ZDHHC3: variants seen among roughly 807,000 people sequenced by gnomAD.
ZDHHC3 encodes the protein zDHHC palmitoyltransferase 3, also known as palmitoyltransferase ZDHHC3.
In ZDHHC3, 9 loss-of-function variants were observed where a neutral mutation model predicts 30.6. The observed-to-expected ratio is 0.29, with a 90% confidence interval of 0.18 to 0.51. The LOEUF (loss-of-function observed/expected upper bound fraction) is 0.51. Ranked by LOEUF, ZDHHC3 falls within the 20% of genes least tolerant of loss-of-function variation. ZDHHC3 has a pLI of 0.97. For synonymous variants in ZDHHC3, 136 were observed against 140.2 expected (o/e 0.97, Z 0.21); for missense variants, 246 against 384.2 (o/e 0.64, Z 3.01).
chr3:44,949,113 A>G (rs926512145), intron 2 of ZDHHC3, among the ~76,000 whole-genome samples: 1 of 152,116 alleles, frequency 6.6e-6, no homozygotes, highest in African/African-American at 2.4e-5. Context: ...AAAACAGTAG[A>G]AAAAAAATCT....
rs747489759 is a variant in ZDHHC3, at chr3:44,917,960, C to T, written c.*8729G>A. 3.0e-5 allele frequency: 39 copies of T among 1,305,246 alleles called. No homozygotes were observed. The highest frequency in any genetic ancestry group is 2.1e-4 in the Middle Eastern group (1 of 4,720). The allele number at this position is 1,305,246 out of a possible 1,614,324, so 80.9% of individuals were successfully genotyped here. A position where few individuals can be genotyped will look rare whatever the true frequency, so the allele number is the denominator to read the frequency against. The stretch of plus-strand genomic sequence containing the variant: ...TCCTCTGATGGATCCTCCATTGTTT[C>T]GGTGTCTGACAGCGATGTCACCTGC... On this transcript the variant is annotated 3_prime_UTR_variant, in exon 7 of 7. Transcript: ENST00000424952.
intron 4 of ZDHHC3, 58 bp downstream of exon 4, chr3:44,933,829 AG>A: frequency 1.4e-6 from 2 of 1,479,592 alleles, no homozygotes; most frequent in Non-Finnish European, 1.9e-6. Flanking sequence ...GAATTTTCAA[AG>A]GAACAAAGTG....
intron 3 of ZDHHC3, among the ~76,000 whole-genome samples, chr3:44,935,078 C>G (rs1359733291): frequency 6.6e-6 from 1 of 152,104 alleles, no homozygotes; most frequent in Non-Finnish European, 1.5e-5. Context: ...AAACAAGCGT[C>G]CCGGACTACT....
At chr3:44,939,634 G>A (rs115849176) in intron 3 of ZDHHC3, among the ~76,000 whole-genome samples, 506 of 152,324 alleles carry the variant, frequency 3.3e-3, no homozygotes, top group African/African-American at 0.012. Context: ...TTGGCTCAGC[G>A]GCAGAGAGGT....
rs527344824 is a variant in ZDHHC3 at position 44,919,849 on chromosome 3, A to T, written c.*6840T>A. 1 of 1,004,746 alleles carries T rather than the reference A, an allele frequency of 1.0e-6. No homozygotes were observed. The highest frequency in any genetic ancestry group is 5.4e-5 in the Admixed American group (1 of 18,594). The allele number at this position is 1,004,746 out of a possible 1,614,324, so 62.2% of individuals were successfully genotyped here. A position where few individuals can be genotyped will look rare whatever the true frequency, so the allele number is the denominator to read the frequency against. ...GTAAGTCTGATTTCACAAAAAGTTT[A>T]AAAATAATCAATAATCTGAGACAAA... On this transcript the variant is annotated 3_prime_UTR_variant, in exon 7 of 7. Coordinates refer to ENST00000424952, the MANE Select transcript of ZDHHC3 (RefSeq NM_001135179.2).
At position 44,920,734 on chromosome 3, in the gene ZDHHC3, A is replaced by G; in HGVS notation, c.*5955T>C. The G allele has an allele frequency of 1.0e-6, 1 of 985,390 alleles. No individual in the cohort carries two copies. Among genetic ancestry groups the G allele is most frequent in the African/African-American group, 1.7e-5 (1 of 57,354 alleles). 61.0% of individuals were successfully genotyped at this position (985,390 alleles called of 1,614,324 possible). ...AGAGCCCACAGGATGATTATTTGCC[A>G]TTCATGTGGCATGCTCCCAGATAGG... On this transcript the variant is annotated 3_prime_UTR_variant, in exon 7 of 7. Coordinates refer to ENST00000424952, the MANE Select transcript of ZDHHC3 (RefSeq NM_001135179.2).
At chr3:44,949,459 G>A (rs1021437258) in intron 2 of ZDHHC3, among the ~76,000 whole-genome samples, 29 of 152,114 alleles carry the variant, frequency 1.9e-4, no homozygotes, top group Non-Finnish European at 3.1e-4. Flanking sequence ...CCCTATGTAG[G>A]AGGATCACAG....
At chr3:44,928,603 G>A (rs2125811114) in intron 6 of ZDHHC3, among the ~76,000 whole-genome samples, 1 of 152,280 alleles carries the variant, frequency 6.6e-6, no homozygotes, top group South Asian at 2.1e-4. Context: ...ATTGCAGCCA[G>A]GGATTGACCA....
At chr3:44,934,061 G>A in intron 3 of ZDHHC3, 77 bp from the exon 4 acceptor site, 3 of 1,380,890 alleles carry the variant, frequency 2.2e-6, no homozygotes. Flanking sequence ...CAGAACCCAT[G>A]GCTCCTGCTC....
At chr3:44,943,517 C>T (rs547161767) in intron 3 of ZDHHC3, among the ~76,000 whole-genome samples, 1 of 152,134 alleles carries the variant, frequency 6.6e-6, no homozygotes, top group East Asian at 1.9e-4. Context: ...CTCTGAAAGA[C>T]AGGCAGCAAG....
At chr3:44,972,404 G>A (rs542624654) in intron 1 of ZDHHC3, among the ~76,000 whole-genome samples, 68 of 152,262 alleles carry the variant, frequency 4.5e-4, no homozygotes, top group Non-Finnish European at 8.1e-4. Context: ...CGGAGGTTGC[G>A]GTGAGCAGAG....
rs1355883107 is a variant in ZDHHC3 at position 44,923,891 on chromosome 3, T to C, written c.*2798A>G. 2.0e-6 allele frequency: 2 copies of C among 985,360 alleles called. No individual in the cohort carries two copies. Among genetic ancestry groups the C allele is most frequent in the Non-Finnish European group, 1.2e-6 (1 of 829,950 alleles). The allele number at this position is 985,360 out of a possible 1,614,324, so 61.0% of individuals were successfully genotyped here. A position where few individuals can be genotyped will look rare whatever the true frequency, so the allele number is the denominator to read the frequency against. On this transcript the variant is annotated 3_prime_UTR_variant, in exon 7 of 7. Coordinates refer to ENST00000424952, the MANE Select transcript of ZDHHC3 (RefSeq NM_001135179.2). ...ACATGCACTTCTACCCAAATGTGTT[T>C]TGTGTACATGATATTACCAAGCCCA...
chr3:44,917,825 C>CT lies in ZDHHC3; in HGVS notation c.*8863dup. 7.9e-7 allele frequency: 1 copy of CT among 1,269,370 alleles called. No homozygotes were observed. Among genetic ancestry groups the CT allele is most frequent in the Non-Finnish European group, 1.0e-6 (1 of 976,270 alleles). 78.6% of individuals were successfully genotyped at this position (1,269,370 alleles called of 1,614,324 possible). A position where few individuals can be genotyped will look rare whatever the true frequency, so the allele number is the denominator to read the frequency against. On this transcript the variant is annotated 3_prime_UTR_variant, in exon 7 of 7. Coordinates refer to ENST00000424952, the MANE Select transcript of ZDHHC3 (RefSeq NM_001135179.2). ...GGGAGCGCACCATGCCCATAAGCCC[C>CT]TTTAGCCAAAACCCCAGGATGAAGG...
chr3:44,963,559 C>T (rs555519606), intron 1 of ZDHHC3, among the ~76,000 whole-genome samples: 8 of 150,876 alleles, frequency 5.3e-5, no homozygotes, highest in African/African-American at 1.7e-4. Flanking sequence ...CTACCCCTAA[C>T]AAAAACAAAA....
At chr3:44,939,520 ACTCCTGAGGGTAACCAC>A (rs1702259757) in intron 3 of ZDHHC3, among the ~76,000 whole-genome samples, 1 of 151,926 alleles carries the variant, frequency 6.6e-6, no homozygotes, top group Non-Finnish European at 1.5e-5. Context: ...TGGGGAACAA[ACTCCTGAGGGTAACCAC>A]CTCCCTGCTC....
At chr3:44,927,481 G>A (rs141272332) in intron 6 of ZDHHC3, among the ~76,000 whole-genome samples, 1 of 152,338 alleles carries the variant, frequency 6.6e-6, no homozygotes, top group African/African-American at 2.4e-5. Flanking sequence ...GACAGACCAC[G>A]AATGAGGGGA....
chr3:44,917,987 G>A lies in ZDHHC3; in HGVS notation c.*8702C>T, dbSNP rs1418336427. Reference sequence around the variant, plus strand: ...GTGTCTGACAGCGATGTCACCTGCCGCACCATGTCTTTGTCACTGGGGATC... The same window carrying A: ...GTGTCTGACAGCGATGTCACCTGCCACACCATGTCTTTGTCACTGGGGATC... On this transcript the variant is annotated 3_prime_UTR_variant, in exon 7 of 7. Coordinates refer to ENST00000424952, the MANE Select transcript of ZDHHC3 (RefSeq NM_001135179.2). 10 of 1,305,260 alleles carry A rather than the reference G, an allele frequency of 7.7e-6. No homozygotes were observed. The African/African-American group carries it at 1.1e-4, about 14-fold the overall frequency. The allele number at this position is 1,305,260 out of a possible 1,614,324, so 80.9% of individuals were successfully genotyped here.
rs978537443 is a variant in ZDHHC3 at position 44,935,033 on chromosome 3, C to T, written c.432-1049G>A. On this transcript the variant is annotated intron_variant, in intron 3 of 6. Transcript: ENST00000424952. ...GCTTATTTGATAGCAAGCACAAACC[C>T]GCTCCCCCTTTGGACAATTCAAAGT... 3.9e-5 allele frequency among the ~76,000 whole-genome samples: 6 copies of T among 152,072 alleles called. No homozygotes were observed. In the South Asian group the frequency reaches 1.0e-3, roughly 26 times the overall value.
At chr3:44,946,029 T>C (rs1702902474) in intron 2 of ZDHHC3, among the ~76,000 whole-genome samples, 1 of 152,252 alleles carries the variant, frequency 6.6e-6, no homozygotes. Flanking sequence ...AGCTTCTCCC[T>C]TTCTAAGTTT....
Sources: allele counts gnomAD v4.1 joint callset (sites outside exome capture counted in the v4.1 genomes callset), GRCh38; gene constraint gnomAD v4.1.1; transcripts MANE v1.5; gene names NCBI Gene and HGNC (gene_info 2026-07-23, HGNC 2026-07-21).